Variants in CLNK observed in about 807,000 individuals in gnomAD.
CLNK encodes the protein cytokine-dependent hematopoietic cell linker.
In CLNK, 74 loss-of-function variants were observed where a neutral mutation model predicts 68.6. That is an observed-to-expected ratio of 1.08 (90% CI 0.89 to 1.31). The LOEUF is 1.31. Among genes scored for constraint, CLNK ranks in the 50% most tolerant of loss-of-function variants. CLNK has a pLI of 0.00. For synonymous variants in CLNK, 198 were observed against 172.2 expected (o/e 1.15, Z -1.17); for missense variants, 553 against 515.3 (o/e 1.07, Z -0.71).
chr4:10,686,845 G>A (rs1286477669), upstream of CLNK, among the ~76,000 whole-genome samples: 3 of 152,110 alleles, frequency 2.0e-5, no homozygotes, highest in African/African-American at 7.2e-5. Flanking sequence ...TACTCATGAA[G>A]AATTGAAGAC....
intron 2 of CLNK, among the ~76,000 whole-genome samples, chr4:10,612,562 T>A (rs947922794): frequency 6.6e-5 from 10 of 152,234 alleles, no homozygotes; most frequent in African/African-American, 2.4e-4. Flanking sequence ...ATCAGGCCTA[T>A]CTGACCCAAA....
intron 16 of CLNK, among the ~76,000 whole-genome samples, chr4:10,508,443 G>C (rs1381387628): frequency 6.6e-6 from 1 of 152,208 alleles, no homozygotes; most frequent in Non-Finnish European, 1.5e-5. Flanking sequence ...AGGTGCGGAA[G>C]GAGCCCATCT....
intron 1 of CLNK, among the ~76,000 whole-genome samples, chr4:10,679,469 G>A (rs1725007534): frequency 6.6e-6 from 1 of 152,190 alleles, no homozygotes; most frequent in South Asian, 2.1e-4. Flanking sequence ...AGGACTTCAT[G>A]TCTAAAACAT....
intron 15 of CLNK, among the ~76,000 whole-genome samples, chr4:10,518,878 G>A (rs1456900816): frequency 2.6e-5 from 4 of 152,306 alleles, no homozygotes; most frequent in South Asian, 2.1e-4. Context: ...TAGAGACTGC[G>A]TGTTGTTTTC....
chr4:10,732,844 A>G, the CLNK span, among the ~76,000 whole-genome samples: 5 of 152,144 alleles, frequency 3.3e-5, no homozygotes, highest in African/African-American at 9.7e-5. Context: ...ACTTCCTTGA[A>G]GTGTCAGACA....
At chr4:10,574,593 T>C (rs1314575970) in intron 4 of CLNK, among the ~76,000 whole-genome samples, 1 of 152,050 alleles carries the variant, frequency 6.6e-6, no homozygotes, top group Non-Finnish European at 1.5e-5. Context: ...CTCTTTGTAA[T>C]TTTCCTTTCC....
chr4:10,570,053 G>A (rs919528051), intron 5 of CLNK, among the ~76,000 whole-genome samples: 4 of 152,146 alleles, frequency 2.6e-5, no homozygotes, highest in African/African-American at 9.7e-5. Context: ...AAGGTGTCTC[G>A]GTTCTGGAAC....
intron 2 of CLNK, among the ~76,000 whole-genome samples, chr4:10,647,846 T>C (rs112292725): frequency 6.6e-6 from 1 of 152,258 alleles, no homozygotes; most frequent in South Asian, 2.1e-4. Context: ...AACATAGATA[T>C]ATTATGCCCT....
chr4:10,509,104 T>TTA (rs1577094849), intron 16 of CLNK, among the ~76,000 whole-genome samples: 1 of 10,290 alleles, frequency 9.7e-5, no homozygotes, highest in African/African-American at 3.5e-4. Context: ...AGACTCGGTC[T>TTA]CAAAAAAAAA....
At chr4:10,728,267 AAACAAT>A in the CLNK span, among the ~76,000 whole-genome samples, 1 of 152,184 alleles carries the variant, frequency 6.6e-6, no homozygotes, top group Admixed American at 6.5e-5. Context: ...GTCTCCCCAA[AAACAAT>A]ATTTGCCAAA....
intron 2 of CLNK, among the ~76,000 whole-genome samples, chr4:10,601,862 T>C (rs1378408519): frequency 1.3e-5 from 2 of 152,154 alleles, no homozygotes; most frequent in African/African-American, 4.8e-5. Flanking sequence ...TGGCCAAGTG[T>C]CCTCCAGGGA....
chr4:10,632,554 G>A (rs1722932482), intron 2 of CLNK, among the ~76,000 whole-genome samples: 1 of 152,166 alleles, frequency 6.6e-6, no homozygotes, highest in Admixed American at 6.5e-5. Flanking sequence ...ACAAGGGCAG[G>A]GTCATCTTTT....
chr4:10,608,555 GC>G (rs1721875105), intron 2 of CLNK, among the ~76,000 whole-genome samples: 1 of 152,162 alleles, frequency 6.6e-6, no homozygotes, highest in Non-Finnish European at 1.5e-5. Context: ...CGAACCTTTT[GC>G]CTCTCCTTTT....
At chr4:10,534,920 A>T (rs10488948) in intron 11 of CLNK, among the ~76,000 whole-genome samples, 1 of 151,932 alleles carries the variant, frequency 6.6e-6, no homozygotes, top group Non-Finnish European at 1.5e-5. Context: ...CTCTATAACC[A>T]TACTTTCTCT....
At chr4:10,630,930 G>T (rs1332808573) in intron 2 of CLNK, among the ~76,000 whole-genome samples, 2 of 152,060 alleles carry the variant, frequency 1.3e-5, no homozygotes, top group East Asian at 3.8e-4. Context: ...ATGAATAAAT[G>T]GATGGAGAAA....
intron 15 of CLNK, among the ~76,000 whole-genome samples, chr4:10,520,315 T>C (rs1718006213): frequency 6.6e-6 from 1 of 152,210 alleles, no homozygotes; most frequent in Admixed American, 6.5e-5. Context: ...ATTTCACAGA[T>C]TTTTTTCTTG....
At chr4:10,525,797 G>T in intron 14 of CLNK, 44 bp downstream of exon 14, 1 of 1,158,048 alleles carries the variant, frequency 8.6e-7, no homozygotes, top group Non-Finnish European at 1.3e-6. Flanking sequence ...CACATGGCCT[G>T]ACCCCTCAGC....
chr4:10,673,354 C>T (rs1156534848), intron 1 of CLNK, among the ~76,000 whole-genome samples: 1 of 152,170 alleles, frequency 6.6e-6, no homozygotes, highest in Non-Finnish European at 1.5e-5. Flanking sequence ...TCAGAAGTAA[C>T]CCCAACTCCC....
intron 1 of CLNK, among the ~76,000 whole-genome samples, chr4:10,673,420 A>G (rs1460387162): frequency 6.6e-6 from 1 of 152,136 alleles, no homozygotes; most frequent in African/African-American, 2.4e-5. Context: ...GAATAGGACA[A>G]ATGTCCATCA....
Sources: gnomAD v4.1 joint callset for allele counts (sites outside exome capture counted in the v4.1 genomes callset) on GRCh38, gnomAD v4.1.1 for gene constraint, MANE v1.5 for transcripts, NCBI Gene and HGNC (gene_info 2026-07-23, HGNC 2026-07-21) for gene names.